ZSCAN5A: variants seen among roughly 807,000 people sequenced by gnomAD.
ZSCAN5A encodes the protein zinc finger and SCAN domain containing 5A.
In ZSCAN5A, 12 loss-of-function variants were observed where a neutral mutation model predicts 23.7. The ratio of observed to expected loss-of-function variants is 0.51; its 90% CI spans 0.32 to 0.82. The LOEUF is 0.82. Among genes scored for constraint, ZSCAN5A ranks in the 40% least tolerant of loss-of-function variants. ZSCAN5A has a pLI of 0.03. For synonymous variants in ZSCAN5A, 257 were observed against 239.9 expected (o/e 1.07, Z -0.66); for missense variants, 597 against 617.9 (o/e 0.97, Z 0.36).
At chr19:56,296,798 C>T (rs1177207736) in intron 2 of ZSCAN5A, among the ~76,000 whole-genome samples, 1 of 152,088 alleles carries the variant, frequency 6.6e-6, no homozygotes, top group East Asian at 1.9e-4. Context: ...CTTTGGGAGG[C>T]CGACGTGGGT....
At chr19:56,253,165 T>C (rs1433481536) in intron 2 of ZSCAN5A, among the ~76,000 whole-genome samples, 2 of 151,616 alleles carry the variant, frequency 1.3e-5, no homozygotes, top group African/African-American at 2.4e-5. Context: ...ATAGGTTCAG[T>C]TACTCTGGAG....
At chr19:56,326,699 G>C (rs7246793) in intron 2 of ZSCAN5A, among the ~76,000 whole-genome samples, 1 of 151,788 alleles carries the variant, frequency 6.6e-6, no homozygotes, top group African/African-American at 2.4e-5. Flanking sequence ...GTAAATGTGC[G>C]GCATCTCTCC....
At chr19:56,301,999 G>C (rs2040265440) in intron 2 of ZSCAN5A, 2 of 1,232,116 alleles carry the variant, frequency 1.6e-6, no homozygotes, top group African/African-American at 3.1e-5. Flanking sequence ...CCCCATCCAG[G>C]AAACCACTCC....
intron 2 of ZSCAN5A, among the ~76,000 whole-genome samples, chr19:56,254,659 G>T (rs960769960): frequency 6.6e-6 from 1 of 151,742 alleles, no homozygotes; most frequent in Middle Eastern, 3.2e-3. Context: ...TTTTGGGGGG[G>T]GCTGCCATGC....
chr19:56,320,574 T>C, intron 2 of ZSCAN5A: 1 of 536,266 alleles, frequency 1.9e-6, no homozygotes, highest in Non-Finnish European at 3.4e-6. Context: ...ATCATACCAT[T>C]GCACTCCAGC....
chr19:56,256,748 T>C (rs2036725919), intron 2 of ZSCAN5A, among the ~76,000 whole-genome samples: 1 of 152,092 alleles, frequency 6.6e-6, no homozygotes, highest in African/African-American at 2.4e-5. Context: ...AGTGGGCAGG[T>C]CACCCAGGGC....
chr19:56,277,304 T>C (rs552221999), intron 2 of ZSCAN5A, among the ~76,000 whole-genome samples: 1 of 152,314 alleles, frequency 6.6e-6, no homozygotes, highest in African/African-American at 2.4e-5. Flanking sequence ...CATTAATGAA[T>C]GGAGAAACAG....
chr19:56,248,751 GT>G (rs1159508725), intron 2 of ZSCAN5A, among the ~76,000 whole-genome samples: 67 of 152,166 alleles, frequency 4.4e-4, no homozygotes, highest in African/African-American at 1.5e-3. Context: ...TTTCAGAGCT[GT>G]TTTAGGTTCA....
chr19:56,319,498 G>GAAAAAAAAAAAA (rs57164685), upstream of ZSCAN5A, among the ~76,000 whole-genome samples: 4 of 78,422 alleles, frequency 5.1e-5, no homozygotes, highest in African/African-American at 9.4e-5. Context: ...TCCATCTCGG[G>GAAAAAAAAAAAA]AAAAAAAAAA....
intron 2 of ZSCAN5A, among the ~76,000 whole-genome samples, chr19:56,350,039 T>A (rs1050517537): frequency 6.6e-6 from 1 of 152,212 alleles, no homozygotes; most frequent in African/African-American, 2.4e-5. Flanking sequence ...AGCTACTATT[T>A]GCAATAGAAC....
intron 2 of ZSCAN5A, among the ~76,000 whole-genome samples, chr19:56,226,036 G>A (rs933955911): frequency 6.6e-6 from 1 of 152,090 alleles, no homozygotes; most frequent in East Asian, 1.9e-4. Context: ...TCATTAGGCA[G>A]GAGCCACTGA....
intron 2 of ZSCAN5A, among the ~76,000 whole-genome samples, chr19:56,309,483 A>G (rs35920556): frequency 0.094 from 14,381 of 152,290 alleles, 733 homozygotes; most frequent in Middle Eastern, 0.12. Flanking sequence ...TTTTACCTCA[A>G]TTACAAAAAG....
intron 2 of ZSCAN5A, chr19:56,321,047 G>A: frequency 1.4e-6 from 1 of 705,510 alleles, no homozygotes. Context: ...TCACTGACAT[G>A]GACAACATGA....
intron 1 of ZSCAN5A, among the ~76,000 whole-genome samples, chr19:56,363,727 A>C (rs1391498368): frequency 6.6e-6 from 1 of 152,238 alleles, no homozygotes; most frequent in Non-Finnish European, 1.5e-5. Context: ...GAACATTTGA[A>C]CTTGAGAGTG....
rs2041668106 is a variant in ZSCAN5A, at chr19:56,351,645, A to G, written c.-358+11590T>C. Among the ~76,000 whole-genome samples the G allele has an allele frequency of 1.3e-5, 2 of 151,984 alleles. No individual in the cohort carries two copies. The highest frequency in any genetic ancestry group is 6.6e-5 in the Admixed American group (1 of 15,252). ...TTTTCACTCCTTAAAACTACTCCACATGTGTCCATGTCGTTAATCCTATCA... is the reference window on the plus strand; with the variant it reads ...TTTTCACTCCTTAAAACTACTCCACGTGTGTCCATGTCGTTAATCCTATCA... On this transcript the variant is annotated intron_variant, in intron 2 of 6. Coordinates refer to the ZSCAN5A transcript ENST00000587340. The surrounding 1 kb of genome is among the most constrained non-coding windows in gnomAD (Gnocchi z 4.8).
At chr19:56,289,144 T>A (rs1344658926) in intron 2 of ZSCAN5A, among the ~76,000 whole-genome samples, 1 of 152,188 alleles carries the variant, frequency 6.6e-6, no homozygotes, top group Non-Finnish European at 1.5e-5. Context: ...CGACTACCAC[T>A]TCCCATGGTG....
intron 2 of ZSCAN5A, among the ~76,000 whole-genome samples, chr19:56,305,390 T>C (rs1018235299): frequency 6.6e-6 from 1 of 152,214 alleles, no homozygotes; most frequent in African/African-American, 2.4e-5. Flanking sequence ...TTTCCAAGGT[T>C]CATCATGGTA....
intron 2 of ZSCAN5A, among the ~76,000 whole-genome samples, chr19:56,273,944 G>C (rs983323060): frequency 5.9e-5 from 9 of 152,164 alleles, no homozygotes; most frequent in Non-Finnish European, 1.0e-4. Flanking sequence ...GTGGGAATCA[G>C]ATTAGGGGCA....
At chr19:56,302,503 G>T (rs2040329815) in intron 2 of ZSCAN5A, among the ~76,000 whole-genome samples, 2 of 54,912 alleles carry the variant, frequency 3.6e-5, no homozygotes, top group African/African-American at 1.8e-4. Context: ...TTCCCTCTCT[G>T]CCCTTCTTTC....
Sources: gnomAD v4.1 joint callset for allele counts (sites outside exome capture counted in the v4.1 genomes callset) on GRCh38, gnomAD v4.1.1 for gene constraint, Gnocchi (gnomAD v3.1) non-coding constraint, MANE v1.5 for transcripts, NCBI Gene and HGNC (gene_info 2026-07-23, HGNC 2026-07-21) for gene names.